PDZRN4: variants seen among roughly 807,000 people sequenced by gnomAD.
The protein encoded by PDZRN4 is PDZ domain containing ring finger 4, also known as PDZ domain-containing RING finger protein 4.
Under a neutral mutation model 99.0 loss-of-function variants are expected in PDZRN4, and 70 were observed. The ratio of observed to expected loss-of-function variants is 0.71; its 90% CI spans 0.58 to 0.86. The LOEUF is 0.86. Among genes scored for constraint, PDZRN4 ranks in the 40% least tolerant of loss-of-function variants. PDZRN4 has a pLI of 0.00. For synonymous variants in PDZRN4, 551 were observed against 501.6 expected, an observed-to-expected ratio of 1.10 and a Z score of -1.32; for missense variants, 1,474 against 1,331.2, an observed-to-expected ratio of 1.11 and a Z score of -1.67.
chr12:41,349,749 T>C (rs1951877941), intron 3 of PDZRN4, among the ~76,000 whole-genome samples: 1 of 152,012 alleles, frequency 6.6e-6, no homozygotes, highest in South Asian at 2.1e-4. Context: ...TGTATTTATG[T>C]ATTAAATACA....
intron 3 of PDZRN4, among the ~76,000 whole-genome samples, chr12:41,215,052 A>G (rs938123025): frequency 6.6e-6 from 1 of 152,068 alleles, no homozygotes; most frequent in African/African-American, 2.4e-5. Flanking sequence ...TAGGATGGAA[A>G]ATAGCCTTCA....
chr12:41,302,299 A>T (rs1427853834), intron 3 of PDZRN4, among the ~76,000 whole-genome samples: 1 of 152,106 alleles, frequency 6.6e-6, no homozygotes, highest in Non-Finnish European at 1.5e-5. Flanking sequence ...TATTAAAATC[A>T]TATAGCCACA....
At chr12:41,259,829 C>T (rs768804010) in intron 3 of PDZRN4, among the ~76,000 whole-genome samples, 5 of 152,086 alleles carry the variant, frequency 3.3e-5, no homozygotes, top group Non-Finnish European at 7.4e-5. Context: ...TCATTGGTAA[C>T]TATTTCACTT....
chr12:41,411,785 T>G (rs1405878604), intron 3 of PDZRN4: 1 of 152,230 alleles, frequency 6.6e-6, no homozygotes, highest in Non-Finnish European at 1.5e-5. Context: ...AGCTATATTC[T>G]TCACTCTTCA....
Position 41,506,693 on chromosome 12 carries a change from C to G in PDZRN4, c.1081C>G (p.Pro361Ala), listed in dbSNP as rs1221167425. The change falls in exon 4 of 10, where the codon CCA becomes GCA. Residue 361 changes from proline (P) to alanine (A), a missense_variant. By Grantham distance (27) the Pro-to-Ala change is conservative (BLOSUM62 -1). Transcript: ENST00000402685. ...PPTPPVPDIC[P>A]FLLSDSCHSL... is the part of the protein sequence containing the mutation. ...TACCCCTCCAGTGCCAGACATCTGT[C>G]CATTCCTGCTCTCAGACAGGTATTT... 6.2e-7 allele frequency: 1 copy of G among 1,612,168 alleles called. No individual in the cohort carries two copies. Among genetic ancestry groups the G allele is most frequent in the African/African-American group, 1.3e-5 (1 of 74,868 alleles).
Position 41,573,721 on chromosome 12 carries a change from G to A in PDZRN4, c.2942G>A (p.Gly981Asp), listed in dbSNP as rs781176687. 1.2e-6 allele frequency: 2 copies of A among 1,613,712 alleles called. No individual in the cohort carries two copies. The highest frequency in any genetic ancestry group is 2.2e-5 in the South Asian group (2 of 91,070). Reference protein sequence around the residue: ...LKESPQSGSEGKKEINIIELS... With the variant: ...LKESPQSGSEDKKEINIIELS... ...GAGAGCCCTCAGAGCGGCAGTGAGG[G>A]CAAGAAGGAGATCAATATCATTGAA... The change falls in exon 10 of 10, where the codon GGC (glycine) becomes GAC (aspartate). Residue 981 changes from glycine to aspartate, a missense_variant. Physicochemically the swap from Gly to Asp is moderately conservative, Grantham distance 94. Coordinates refer to ENST00000402685, the MANE Select transcript of PDZRN4 (RefSeq NM_001164595.2).
Position 41,488,038 on chromosome 12 carries a change from T to A in PDZRN4, c.844-18418T>A, listed in dbSNP as rs1371094593. On this transcript the variant is annotated intron_variant, in intron 3 of 9. Coordinates refer to ENST00000402685, the MANE Select transcript of PDZRN4 (RefSeq NM_001164595.2). ...TCCATAGGCATCCAAAATAACAGTATGCAGTCATGTCAGGAGCACCAAATA... is the reference window on the plus strand; with the variant it reads ...TCCATAGGCATCCAAAATAACAGTAAGCAGTCATGTCAGGAGCACCAAATA... Among the ~76,000 whole-genome samples the A allele has an allele frequency of 3.3e-5, 5 of 152,194 alleles. No homozygotes were observed. In the East Asian group the frequency reaches 9.6e-4, roughly 29 times the overall value.
intron 3 of PDZRN4, among the ~76,000 whole-genome samples, chr12:41,218,525 C>T (rs1162751956): frequency 1.3e-5 from 2 of 152,044 alleles, no homozygotes; most frequent in Non-Finnish European, 1.5e-5. Flanking sequence ...TAGGAAAATG[C>T]TCATTATATA....
At chr12:41,569,897 T>C (rs1939445570) in intron 9 of PDZRN4, among the ~76,000 whole-genome samples, 1 of 152,184 alleles carries the variant, frequency 6.6e-6, no homozygotes, top group Admixed American at 6.5e-5. Context: ...TTAAAATTTT[T>C]ATGTATAACT....
intron 5 of PDZRN4, among the ~76,000 whole-genome samples, chr12:41,519,642 T>C (rs1938460084): frequency 6.6e-6 from 1 of 152,096 alleles, no homozygotes. Context: ...CAATGCCTTT[T>C]CATAGAGGAA....
At chr12:41,564,591 A>G (rs1939332111) in intron 8 of PDZRN4, among the ~76,000 whole-genome samples, 1 of 152,186 alleles carries the variant, frequency 6.6e-6, no homozygotes, top group Admixed American at 6.6e-5. Context: ...CCTGACTTGA[A>G]TATAGTGGTT....
chr12:41,483,601 T>C (rs1342200459), intron 3 of PDZRN4, among the ~76,000 whole-genome samples: 3 of 152,164 alleles, frequency 2.0e-5, no homozygotes, highest in South Asian at 4.1e-4. Context: ...GTGCTTAGCC[T>C]CCAGCTTCTT....
At chr12:41,530,527 G>A (rs1020353707) in intron 5 of PDZRN4, among the ~76,000 whole-genome samples, 4 of 152,110 alleles carry the variant, frequency 2.6e-5, no homozygotes, top group African/African-American at 7.2e-5. Context: ...GTATTCACTT[G>A]GTGGGCGTTT....
chr12:41,491,901 T>C (rs1189050013), intron 3 of PDZRN4, among the ~76,000 whole-genome samples: 1 of 152,210 alleles, frequency 6.6e-6, no homozygotes, highest in Non-Finnish European at 1.5e-5. Context: ...TAGACCTTTA[T>C]TAACACCCAG....
rs563488966 is a variant in PDZRN4, at chr12:41,323,448, C to A, written c.843+129260C>A. ...AAGAACAATAAAATAGAATAAAGCC[C>A]AAAAGCAATGAAGTTATTGAAATTG... On this transcript the variant is annotated intron_variant, in intron 3 of 9. Coordinates refer to ENST00000402685, the MANE Select transcript of PDZRN4 (RefSeq NM_001164595.2). Among the ~76,000 whole-genome samples the A allele has an allele frequency of 1.8e-4, 28 of 151,654 alleles. No homozygotes were observed. The South Asian group carries it at 4.8e-3, about 26-fold the overall frequency.
At chr12:41,413,653 C>A (rs1196547561) in intron 3 of PDZRN4, among the ~76,000 whole-genome samples, 1 of 151,868 alleles carries the variant, frequency 6.6e-6, no homozygotes, top group Non-Finnish European at 1.5e-5. Flanking sequence ...TAAATATGTA[C>A]AATTATTATT....
chr12:41,570,152 T>C (rs17129513), intron 9 of PDZRN4, among the ~76,000 whole-genome samples: 21,685 of 152,108 alleles, frequency 0.14, 1,667 homozygotes, highest in South Asian at 0.28. Flanking sequence ...ACTAGATGCC[T>C]CTGAGGTTAG....
intron 5 of PDZRN4, among the ~76,000 whole-genome samples, chr12:41,541,289 G>A (rs1346236647): frequency 1.3e-5 from 2 of 151,676 alleles, no homozygotes; most frequent in African/African-American, 4.8e-5. Flanking sequence ...ACCTCTCAAG[G>A]GCTAAGCAGT....
At chr12:41,465,978 T>TA (rs1160210616) in intron 3 of PDZRN4, among the ~76,000 whole-genome samples, 6 of 152,342 alleles carry the variant, frequency 3.9e-5, no homozygotes, top group African/African-American at 1.4e-4. Flanking sequence ...CACTGTCTGA[T>TA]AAAATCCTTA....
Sources: allele counts gnomAD v4.1 joint callset (sites outside exome capture counted in the v4.1 genomes callset), GRCh38; gene constraint gnomAD v4.1.1; transcripts MANE v1.5; gene names NCBI Gene and HGNC (gene_info 2026-07-23, HGNC 2026-07-21).